The following DYNC2I1 variants were observed in gnomAD, a reference collection of about 807,000 sequenced individuals.
The protein encoded by DYNC2I1 is dynein 2 intermediate chain 1.
DYNC2I1 carries 89 observed loss-of-function variants against 133.4 expected under a neutral mutation model. The ratio of observed to expected loss-of-function variants is 0.67; its 90% CI spans 0.56 to 0.80. The LOEUF (loss-of-function observed/expected upper bound fraction) is 0.80, where lower values mean the gene tolerates loss of function less well. DYNC2I1 is among the 30% of genes least tolerant of loss of function. DYNC2I1 has a pLI of 0.00. For synonymous variants in DYNC2I1, 504 were observed against 484.3 expected, an observed-to-expected ratio of 1.04 and a Z score of -0.54; for missense variants, 1,291 against 1,314.5, an observed-to-expected ratio of 0.98 and a Z score of 0.28.
intron 5 of DYNC2I1, 62 bp downstream of exon 5, chr7:158,880,051 G>C (rs1190312419): frequency 2.0e-6 from 3 of 1,521,724 alleles, no homozygotes; most frequent in Non-Finnish European, 2.6e-6. Flanking sequence ...TTCAGAGGAG[G>C]CTTACCGGGC....
intron 13 of DYNC2I1, among the ~76,000 whole-genome samples, chr7:158,914,009 C>G (rs1267402950): frequency 6.6e-6 from 1 of 152,182 alleles, no homozygotes; most frequent in Non-Finnish European, 1.5e-5. Flanking sequence ...CATGCCTGGC[C>G]TGAATGTTTT....
At chr7:158,920,638 AGT>A (rs1399785484) in intron 15 of DYNC2I1, among the ~76,000 whole-genome samples, 1 of 151,918 alleles carries the variant, frequency 6.6e-6, no homozygotes, top group Admixed American at 6.6e-5. Flanking sequence ...GAACTCGTGA[AGT>A]GTGTGTGTGT....
chr7:158,923,705 G>A lies in DYNC2I1; in HGVS notation c.2229G>A (p.Trp743Ter). 1 of 1,612,826 alleles carries A rather than the reference G, an allele frequency of 6.2e-7. No individual in the cohort carries two copies. Among genetic ancestry groups the A allele is most frequent in the Non-Finnish European group, 8.5e-7 (1 of 1,179,066 alleles). Reference protein sequence around the residue: ...HYSVTLSDGFWTFRTATFSTD... With the variant: ...HYSVTLSDGF ...CTGTGACGCTGAGCGATGGCTTCTG[G>A]ACGTTCCGGACCGCCACGTTTTCCA... The change falls in exon 17 of 25, where the codon TGG (tryptophan) becomes TGA (stop). Residue 743 changes from tryptophan (W) to a stop codon, truncating the protein, a stop_gained. Coordinates refer to ENST00000407559, the MANE Select transcript of DYNC2I1 (RefSeq NM_018051.5). LOFTEE classifies it high-confidence loss of function.
the DYNC2I1 span, among the ~76,000 whole-genome samples, chr7:158,847,023 A>G: frequency 2.0e-5 from 3 of 152,240 alleles, no homozygotes; most frequent in African/African-American, 7.2e-5. Flanking sequence ...AAAGAAAAGT[A>G]AGTGCTTATC....
downstream of DYNC2I1, among the ~76,000 whole-genome samples, chr7:158,949,943 G>A (rs979214888): frequency 2.0e-5 from 3 of 151,784 alleles, no homozygotes; most frequent in African/African-American, 7.3e-5. Context: ...GGCTAATTTT[G>A]TATTTTTAGT....
chr7:158,946,957 C>A (rs998853847), downstream of DYNC2I1, among the ~76,000 whole-genome samples: 5 of 152,230 alleles, frequency 3.3e-5, no homozygotes, highest in African/African-American at 9.6e-5. Context: ...ACAGCCCCCT[C>A]CCCAACGGCA....
Position 158,945,919 on chromosome 7 carries a change from T to C in DYNC2I1, c.*140T>C. The C allele has an allele frequency of 1.2e-6, 1 of 854,030 alleles. No homozygotes were observed. Among genetic ancestry groups the C allele is most frequent in the Non-Finnish European group, 1.6e-6 (1 of 619,402 alleles). 52.9% of individuals were successfully genotyped at this position (854,030 alleles called of 1,614,324 possible). On this transcript the variant is annotated 3_prime_UTR_variant, in exon 25 of 25. Coordinates refer to ENST00000407559, the MANE Select transcript of DYNC2I1 (RefSeq NM_018051.5). The surrounding 1 kb of genome is among the most constrained non-coding windows in gnomAD (Gnocchi z 4.1). ...GTATATAATTTATTTTACATGAATATGTCTTTGGTATTCCCAGTAAATAGA... is the reference window on the plus strand; with the variant it reads ...GTATATAATTTATTTTACATGAATACGTCTTTGGTATTCCCAGTAAATAGA...
intron 15 of DYNC2I1, among the ~76,000 whole-genome samples, chr7:158,919,293 C>T (rs567900550): frequency 3.3e-5 from 5 of 152,300 alleles, no homozygotes; most frequent in Admixed American, 2.0e-4. Flanking sequence ...ACAAGCAAGA[C>T]GCTTAACATT....
chr7:158,949,654 T>C (rs1851994165), downstream of DYNC2I1, among the ~76,000 whole-genome samples: 1 of 151,356 alleles, frequency 6.6e-6, no homozygotes, highest in African/African-American at 2.4e-5. Flanking sequence ...GCGGCGCGGC[T>C]TCAGGGAAAG....
At chr7:158,943,201 GATT>G (rs1305747610) in intron 24 of DYNC2I1, among the ~76,000 whole-genome samples, 1 of 152,140 alleles carries the variant, frequency 6.6e-6, no homozygotes, top group Non-Finnish European at 1.5e-5. Flanking sequence ...ACGTTATTCT[GATT>G]ATTAAAAAAT....
intron 7 of DYNC2I1, among the ~76,000 whole-genome samples, chr7:158,887,967 G>T (rs1021128549): frequency 6.7e-6 from 1 of 149,992 alleles, no homozygotes; most frequent in African/African-American, 2.5e-5. Context: ...TGATTACTTA[G>T]TGACTCTAAA....
At chr7:158,927,108 A>AT in intron 20 of DYNC2I1, 65 bp downstream of exon 20, 6 of 1,232,366 alleles carry the variant, frequency 4.9e-6, no homozygotes, top group Non-Finnish European at 6.9e-6. Context: ...AAAAGTACTG[A>AT]TAACTGCGGT....
chr7:158,925,825 C>T (rs1849554765), intron 17 of DYNC2I1, among the ~76,000 whole-genome samples: 1 of 152,212 alleles, frequency 6.6e-6, no homozygotes, highest in Non-Finnish European at 1.5e-5. Flanking sequence ...GCTCCTTCCC[C>T]TCAGTTGTTT....
chr7:158,911,613 G>T lies in DYNC2I1; in HGVS notation c.1524G>T (p.Leu508Phe), dbSNP rs756755224. The T allele has an allele frequency of 1.9e-6, 3 of 1,613,276 alleles. No individual in the cohort carries two copies. The highest frequency in any genetic ancestry group is 2.2e-5 in the South Asian group (2 of 90,954). ...DLDFSFTFSL[L>F]DLPPVNEYDM... Reference sequence around the variant, plus strand: ...ATTTTTCATTTACTTTCTCTCTCTTGGATCTACCACCAGTAAATGAATATG... The same window carrying T: ...ATTTTTCATTTACTTTCTCTCTCTTTGATCTACCACCAGTAAATGAATATG... Residue 508 changes from leucine (L) to phenylalanine (F), a missense_variant, in exon 12 of 25, where the codon TTG (leucine) becomes TTT (phenylalanine). Physicochemically the swap from Leu to Phe is conservative, Grantham distance 22. Coordinates refer to ENST00000407559, the MANE Select transcript of DYNC2I1 (RefSeq NM_018051.5).
At chr7:158,915,374 T>C (rs1357327478) in intron 14 of DYNC2I1, among the ~76,000 whole-genome samples, 18 of 101,932 alleles carry the variant, frequency 1.8e-4, no homozygotes, top group African/African-American at 5.6e-4. Flanking sequence ...TTAAGGATGA[T>C]TGTGAAACGT....
downstream of DYNC2I1, among the ~76,000 whole-genome samples, chr7:158,957,362 C>T (rs554805180): frequency 6.4e-4 from 98 of 152,334 alleles, no homozygotes; most frequent in Non-Finnish European, 9.7e-4. Context: ...CACTGCTGCC[C>T]AACCCCTGGG....
intron 15 of DYNC2I1, among the ~76,000 whole-genome samples, chr7:158,920,332 C>T (rs1322432595): frequency 7.9e-5 from 12 of 151,156 alleles, no homozygotes; most frequent in Non-Finnish European, 1.5e-5. Flanking sequence ...CGCCGGGCCT[C>T]CATCAGGGAA....
chr7:158,945,544 G>A lies in DYNC2I1; in HGVS notation c.3003-37G>A, dbSNP rs1276677984. The A allele has an allele frequency of 2.6e-6, 4 of 1,567,064 alleles. No individual in the cohort carries two copies. The highest frequency in any genetic ancestry group is 2.4e-5 in the East Asian group (1 of 42,432). On this transcript the variant is annotated intron_variant, in intron 24 of 24. Coordinates refer to ENST00000407559, the MANE Select transcript of DYNC2I1 (RefSeq NM_018051.5). This position sits in a 1 kb window ranked among gnomAD's most constrained non-coding sequence, Gnocchi z 4.1. ...CAGACAGAACCGAATGTCCCTTTGT[G>A]TGCACTGACCCTCTGCTTCTGCCCC...
chr7:158,911,897 C>G (rs1847518975), intron 12 of DYNC2I1, among the ~76,000 whole-genome samples: 1 of 152,202 alleles, frequency 6.6e-6, no homozygotes, highest in Non-Finnish European at 1.5e-5. Context: ...CCTTCAGGAG[C>G]TCTGGTGGGT....
Sources: allele counts gnomAD v4.1 joint callset (sites outside exome capture counted in the v4.1 genomes callset), GRCh38; gene constraint gnomAD v4.1.1; non-coding constraint Gnocchi (gnomAD v3.1); transcripts MANE v1.5; gene names NCBI Gene and HGNC (gene_info 2026-07-23, HGNC 2026-07-21).